Variants in DRC11 observed in about 807,000 individuals in gnomAD.
The protein encoded by DRC11 is dynein regulatory complex subunit 11, also known as IQ and AAA domain-containing protein 1.
At chr2:236,418,624 A>T in the DRC11 span, among the ~76,000 whole-genome samples, 1 of 131,988 alleles carries the variant, frequency 7.6e-6, no homozygotes, top group African/African-American at 2.9e-5. Context: ...TCCGCTTCCA[A>T]CCCCCCTACA....
the DRC11 span, among the ~76,000 whole-genome samples, chr2:236,373,978 C>T: frequency 6.6e-6 from 1 of 152,182 alleles, no homozygotes; most frequent in African/African-American, 2.4e-5. Flanking sequence ...TGGGTCACCG[C>T]CCCAGCTCCT....
At chr2:236,308,729 C>T in the DRC11 span, among the ~76,000 whole-genome samples, 3 of 152,122 alleles carry the variant, frequency 2.0e-5, no homozygotes. The surrounding 1 kb of genome is among the most constrained non-coding windows in gnomAD (Gnocchi z 6.0). Context: ...GTGTATATAC[C>T]ACATTCTTTT....
the DRC11 span, among the ~76,000 whole-genome samples, chr2:236,429,593 C>G: frequency 4.1e-4 from 62 of 152,154 alleles, no homozygotes; most frequent in African/African-American, 1.5e-3. The surrounding 1 kb of genome is among the most constrained non-coding windows in gnomAD (Gnocchi z 5.9). Flanking sequence ...GGCTCCAAGG[C>G]TGTTTTCTGG....
the DRC11 span, chr2:236,338,458 G>T: frequency 7.8e-7 from 1 of 1,286,414 alleles, no homozygotes; most frequent in Non-Finnish European, 1.1e-6. Context: ...TACTTAGGAT[G>T]CATTGCAGCA....
chr2:236,334,382 G>T, the DRC11 span, among the ~76,000 whole-genome samples: 2 of 152,160 alleles, frequency 1.3e-5, no homozygotes, highest in Non-Finnish European at 2.9e-5. The surrounding 1 kb of genome is among the most constrained non-coding windows in gnomAD (Gnocchi z 7.8). Context: ...AGGCTGTGGG[G>T]TCTCTGGCCC....
the DRC11 span, among the ~76,000 whole-genome samples, chr2:236,365,457 G>A: frequency 6.6e-6 from 1 of 152,070 alleles, no homozygotes; most frequent in Non-Finnish European, 1.5e-5. The surrounding 1 kb of genome is among the most constrained non-coding windows in gnomAD (Gnocchi z 7.4). Context: ...GCACAGGGAG[G>A]GGTGAGGAGC....
At chr2:236,415,348 A>C in the DRC11 span, among the ~76,000 whole-genome samples, 1 of 152,122 alleles carries the variant, frequency 6.6e-6, no homozygotes, top group African/African-American at 2.4e-5. The surrounding 1 kb of genome is among the most constrained non-coding windows in gnomAD (Gnocchi z 5.7). Context: ...AGACACAACT[A>C]TTTTCCTCTC....
chr2:236,473,778 T>TC, the DRC11 span, among the ~76,000 whole-genome samples: 1 of 150,482 alleles, frequency 6.6e-6, no homozygotes, highest in African/African-American at 2.4e-5. The surrounding 1 kb of genome is among the most constrained non-coding windows in gnomAD (Gnocchi z 4.8). Context: ...AATGACAATA[T>TC]CCAAAAAAAA....
At chr2:236,507,379 T>TG in the DRC11 span, 2,802 of 1,108,366 alleles carry the variant, frequency 2.5e-3, 59 homozygotes, top group South Asian at 0.024. Flanking sequence ...AGGATTTGGG[T>TG]GGGGGGTCTT....
At chr2:236,426,984 T>C in the DRC11 span, among the ~76,000 whole-genome samples, 1 of 152,166 alleles carries the variant, frequency 6.6e-6, no homozygotes. The surrounding 1 kb of genome is among the most constrained non-coding windows in gnomAD (Gnocchi z 4.1). Flanking sequence ...GTTTTTATTA[T>C]GAAAGAGTTT....
chr2:236,479,424 T>C, the DRC11 span, among the ~76,000 whole-genome samples: 2 of 152,218 alleles, frequency 1.3e-5, no homozygotes. This position sits in a 1 kb window ranked among gnomAD's most constrained non-coding sequence, Gnocchi z 4.1. Flanking sequence ...TCCTTTCTTA[T>C]ACTCTTCCTT....
the DRC11 span, among the ~76,000 whole-genome samples, chr2:236,506,571 T>G: frequency 6.6e-6 from 1 of 152,206 alleles, no homozygotes; most frequent in African/African-American, 2.4e-5. This position sits in a 1 kb window ranked among gnomAD's most constrained non-coding sequence, Gnocchi z 4.9. Flanking sequence ...GTTCACTTGC[T>G]GTGTGAACTA....
the DRC11 span, among the ~76,000 whole-genome samples, chr2:236,315,222 A>G: frequency 2.0e-5 from 3 of 152,210 alleles, no homozygotes; most frequent in African/African-American, 7.2e-5. The surrounding 1 kb of genome is among the most constrained non-coding windows in gnomAD (Gnocchi z 5.1). Flanking sequence ...CTGGGAAAAG[A>G]ACAGTCTTTT....
At chr2:236,483,103 C>T in the DRC11 span, among the ~76,000 whole-genome samples, 1 of 152,176 alleles carries the variant, frequency 6.6e-6, no homozygotes, top group African/African-American at 2.4e-5. This position sits in a 1 kb window ranked among gnomAD's most constrained non-coding sequence, Gnocchi z 4.8. Flanking sequence ...AGTTTGACTA[C>T]TTTAGATAGT....
chr2:236,312,963 C>T, the DRC11 span, among the ~76,000 whole-genome samples: 1 of 151,930 alleles, frequency 6.6e-6, no homozygotes, highest in South Asian at 2.1e-4. Flanking sequence ...TAGACAAATT[C>T]CTTGAAAAAC....
chr2:236,467,112 T>C, the DRC11 span, among the ~76,000 whole-genome samples: 2 of 152,218 alleles, frequency 1.3e-5, no homozygotes, highest in African/African-American at 2.4e-5. Flanking sequence ...AATGCTTTAC[T>C]CTCAAGAGTT....
chr2:236,416,768 T>TATATATATATATAAAA, the DRC11 span, among the ~76,000 whole-genome samples: 13 of 92,962 alleles, frequency 1.4e-4, no homozygotes, highest in Non-Finnish European at 2.2e-5. Flanking sequence ...TATATATATA[T>TATATATATATATAAAA]AAATAATTTT....
the DRC11 span, among the ~76,000 whole-genome samples, chr2:236,474,853 T>C: frequency 6.6e-6 from 1 of 152,128 alleles, no homozygotes. Context: ...AATGAATGCA[T>C]AATAGATATA....
chr2:236,378,664 G>C, the DRC11 span, among the ~76,000 whole-genome samples: 1 of 146,214 alleles, frequency 6.8e-6, no homozygotes, highest in African/African-American at 2.6e-5. Flanking sequence ...GAAACAGCGA[G>C]ACTCCGTCTC....
Sources: gnomAD v4.1 joint callset for allele counts (sites outside exome capture counted in the v4.1 genomes callset) on GRCh38, gnomAD v4.1.1 for gene constraint, Gnocchi (gnomAD v3.1) non-coding constraint, MANE v1.5 for transcripts, NCBI Gene and HGNC (gene_info 2026-07-23, HGNC 2026-07-21) for gene names.